Variants in GALNT7 observed in about 807,000 individuals in gnomAD.
The protein encoded by GALNT7 is N-acetylgalactosaminyltransferase 7.
A neutral mutation model predicts 82.1 loss-of-function variants in GALNT7; 60 were observed. The observed-to-expected ratio is 0.73, with a 90% CI of 0.59 to 0.91. The LOEUF (loss-of-function observed/expected upper bound fraction) is 0.91. GALNT7 is among the 40% of genes least tolerant of loss of function. The probability of loss-of-function intolerance (pLI) is 0.00; values close to 1 mark genes in which losing one functional copy is unlikely to be tolerated. For missense variants in GALNT7, 660 were observed against 804.2 expected, an observed-to-expected ratio of 0.82 and a Z score of 2.17; for synonymous variants, 243 against 275.1, an observed-to-expected ratio of 0.88 and a Z score of 1.15.
intron 2 of GALNT7, among the ~76,000 whole-genome samples, chr4:173,257,671 A>G (rs1013782179): frequency 2.0e-5 from 3 of 152,162 alleles, no homozygotes; most frequent in African/African-American, 7.2e-5. Context: ...TAGCTATTGT[A>G]TAGGAGGTAA....
intron 2 of GALNT7, among the ~76,000 whole-genome samples, chr4:173,254,476 TTTTAG>T (rs1734954925): frequency 6.6e-6 from 1 of 152,234 alleles, no homozygotes; most frequent in African/African-American, 2.4e-5. Context: ...ATAGCTTTCC[TTTTAG>T]TTTTGTTTTA....
chr4:173,275,180 T>C (rs1735856208), intron 2 of GALNT7, among the ~76,000 whole-genome samples: 1 of 152,234 alleles, frequency 6.6e-6, no homozygotes, highest in Non-Finnish European at 1.5e-5. Flanking sequence ...TGAGGTGTTC[T>C]CTAAAACTGT....
chr4:173,215,106 T>A (rs1386720456), intron 1 of GALNT7, among the ~76,000 whole-genome samples: 1 of 152,168 alleles, frequency 6.6e-6, no homozygotes, highest in Admixed American at 6.5e-5. Context: ...TCTCTTGTAT[T>A]CCCACAGCCA....
chr4:173,180,326 C>CTTTTTT (rs10687213), intron 1 of GALNT7, among the ~76,000 whole-genome samples: 3 of 123,184 alleles, frequency 2.4e-5, no homozygotes, highest in South Asian at 2.6e-4. Flanking sequence ...ATTGGAGTTC[C>CTTTTTT]TTTTTTTTTT....
intron 2 of GALNT7, among the ~76,000 whole-genome samples, chr4:173,250,212 A>G (rs910329259): frequency 6.6e-6 from 1 of 152,126 alleles, no homozygotes; most frequent in Non-Finnish European, 1.5e-5. Flanking sequence ...CCTGAGGTAT[A>G]TATCTCTCTC....
intron 1 of GALNT7, among the ~76,000 whole-genome samples, chr4:173,220,263 T>G (rs558772913): frequency 6.6e-6 from 1 of 152,194 alleles, no homozygotes; most frequent in East Asian, 1.9e-4. Flanking sequence ...TTCCCCACTT[T>G]ATGTTTTTGT....
At chr4:173,229,774 G>A (rs960074249) in intron 1 of GALNT7, among the ~76,000 whole-genome samples, 8 of 152,064 alleles carry the variant, frequency 5.3e-5, no homozygotes, top group Non-Finnish European at 7.4e-5. Flanking sequence ...TCGTATTATC[G>A]TAGTCTTTGT....
At chr4:173,200,212 A>G (rs964084016) in intron 1 of GALNT7, among the ~76,000 whole-genome samples, 1 of 152,216 alleles carries the variant, frequency 6.6e-6, no homozygotes, top group Admixed American at 6.5e-5. Flanking sequence ...ATTGCATCCT[A>G]TTGAAAGTCA....
intron 1 of GALNT7, among the ~76,000 whole-genome samples, chr4:173,241,959 A>C (rs1426873783): frequency 6.6e-6 from 1 of 152,182 alleles, no homozygotes; most frequent in African/African-American, 2.4e-5. Flanking sequence ...AAAAGATATA[A>C]CTATTAGCTA....
At chr4:173,305,524 G>T (rs912909109) in intron 8 of GALNT7, among the ~76,000 whole-genome samples, 1 of 152,096 alleles carries the variant, frequency 6.6e-6, no homozygotes, top group Non-Finnish European at 1.5e-5. Context: ...TCTTTTAGAA[G>T]TGTTACAGTT....
At chr4:173,196,400 C>T (rs1732780174) in intron 1 of GALNT7, among the ~76,000 whole-genome samples, 2 of 152,178 alleles carry the variant, frequency 1.3e-5, no homozygotes, top group Admixed American at 1.3e-4. Context: ...GCTGGGATTA[C>T]AGGTGTGAGC....
At chr4:173,223,558 T>C (rs143207418) in intron 1 of GALNT7, among the ~76,000 whole-genome samples, 47 of 152,274 alleles carry the variant, frequency 3.1e-4, no homozygotes, top group African/African-American at 1.1e-3. Context: ...ACTCTTGGAA[T>C]AAACTTAACT....
chr4:173,271,513 G>C (rs943621839), intron 2 of GALNT7, among the ~76,000 whole-genome samples: 3 of 152,146 alleles, frequency 2.0e-5, no homozygotes, highest in African/African-American at 7.2e-5. Flanking sequence ...GAGTGCAGTG[G>C]TGGGATCTCA....
chr4:173,222,134 C>G (rs1402560368), intron 1 of GALNT7, among the ~76,000 whole-genome samples: 1 of 152,178 alleles, frequency 6.6e-6, no homozygotes, highest in Non-Finnish European at 1.5e-5. Flanking sequence ...TCAGCGCGTG[C>G]TTGGCAGACC....
At position 173,323,376 on chromosome 4, in the gene GALNT7, G is replaced by C. The variant is rs907950143; in HGVS notation, c.*1659G>C. The C allele has an allele frequency of 1.3e-5, 2 of 152,496 alleles. No homozygotes were observed. The highest frequency in any genetic ancestry group is 6.6e-5 in the Admixed American group (1 of 15,260). 9.4% of individuals were successfully genotyped at this position (152,496 alleles called of 1,614,324 possible). A position where few individuals can be genotyped will look rare whatever the true frequency, so the allele number is the denominator to read the frequency against. ...ATTTATAATTTTGAATTGTCAATTT[G>C]TATTTTGCTACTGATCTGTGATCAA... is the stretch of plus-strand genomic sequence containing the variant. On this transcript the variant is annotated 3_prime_UTR_variant, in exon 12 of 12. Transcript: ENST00000265000.
At chr4:173,258,771 C>T (rs1046866608) in intron 2 of GALNT7, among the ~76,000 whole-genome samples, 1 of 152,206 alleles carries the variant, frequency 6.6e-6, no homozygotes, top group African/African-American at 2.4e-5. Flanking sequence ...CATATACACC[C>T]ATTGCCTTGT....
rs1358382453 is a variant in GALNT7 at position 173,302,194 on chromosome 4, T to C, written c.1266+30T>C. 1.0e-6 allele frequency: 1 copy of C among 967,490 alleles called. No homozygotes were observed. 59.9% of individuals were successfully genotyped at this position (967,490 alleles called of 1,614,324 possible). Reference sequence around the variant, plus strand: ...CATTTTATTTCAACAGATGGAATTCTCCAAGTCGTTACTAACTTCTGTGGC... The same window carrying C: ...CATTTTATTTCAACAGATGGAATTCCCCAAGTCGTTACTAACTTCTGTGGC... On this transcript the variant is annotated intron_variant, in intron 7 of 11. Transcript: ENST00000265000. The surrounding 1 kb of genome is among the most constrained non-coding windows in gnomAD (Gnocchi z 4.2).
chr4:173,250,850 TTC>T (rs975849272), intron 2 of GALNT7, among the ~76,000 whole-genome samples: 3 of 152,164 alleles, frequency 2.0e-5, no homozygotes, highest in Non-Finnish European at 2.9e-5. Context: ...GCATATGCTC[TTC>T]CCTCCTCCAT....
At chr4:173,199,668 C>T (rs1216753140) in intron 1 of GALNT7, among the ~76,000 whole-genome samples, 1 of 152,172 alleles carries the variant, frequency 6.6e-6, no homozygotes, top group Non-Finnish European at 1.5e-5. Flanking sequence ...CTTGCTTCAT[C>T]TGTTTTCTAC....
Sources: allele counts gnomAD v4.1 joint callset (sites outside exome capture counted in the v4.1 genomes callset), GRCh38; gene constraint gnomAD v4.1.1; non-coding constraint Gnocchi (gnomAD v3.1); transcripts MANE v1.5; gene names NCBI Gene and HGNC (gene_info 2026-07-23, HGNC 2026-07-21).